SLC45A2: variants seen among roughly 807,000 people sequenced by gnomAD.
The protein encoded by SLC45A2 is solute carrier family 45 member 2, also known as membrane-associated transporter protein.
In SLC45A2, 36 loss-of-function variants were observed where a neutral mutation model predicts 45.5. The observed-to-expected ratio is 0.79, with a 90% CI of 0.61 to 1.04. SLC45A2 has a LOEUF of 1.04. SLC45A2 is among the 50% of genes least tolerant of loss of function. The pLI, the probability that SLC45A2 is intolerant of heterozygous loss-of-function variation, is 0.00. For missense variants in SLC45A2, 719 were observed against 671.0 expected (o/e 1.07, Z -0.79); for synonymous variants, 306 against 269.3 (o/e 1.14, Z -1.33).
intron 4 of SLC45A2, among the ~76,000 whole-genome samples, chr5:33,952,036 A>ATGTT (rs1386504709): frequency 6.6e-6 from 1 of 152,078 alleles, no homozygotes; most frequent in African/African-American, 2.4e-5. Context: ...CCTGCTTGGA[A>ATGTT]TGTTTTCTCC....
rs1752224508 is a variant in SLC45A2 at position 33,954,675 on chromosome 5, C to G, written c.889-171G>C. On this transcript the variant is annotated intron_variant, in intron 3 of 6. Coordinates refer to ENST00000296589, the MANE Select transcript of SLC45A2 (RefSeq NM_016180.5). ...ATGGAGTAGACTCACAGGAGGTATT[C>G]TGTTAAGCACGAGTGGCTGCTTGGC... Among the ~76,000 whole-genome samples the G allele has an allele frequency of 2.0e-5, 3 of 152,190 alleles. No individual in the cohort carries two copies. In the South Asian group the frequency reaches 6.2e-4, roughly 31 times the overall value.
At position 33,976,415 on chromosome 5, in the gene SLC45A2, T is replaced by C. The variant is rs189760654; in HGVS notation, c.562+5821A>G. Among the ~76,000 whole-genome samples the C allele has an allele frequency of 2.0e-5, 3 of 152,330 alleles. No homozygotes were observed. In the East Asian group the frequency reaches 5.8e-4, roughly 29 times the overall value. On this transcript the variant is annotated intron_variant, in intron 2 of 6. Transcript: ENST00000296589. ...ATGATTAGAAATGTATTCAAATAAC[T>C]AACATGGAAGGTGGAAAATGGCAAA...
At position 33,946,054 on chromosome 5, in the gene SLC45A2, A is replaced by G. The variant is rs962370977; in HGVS notation, c.1368+1109T>C. ...ACTCATTCTAAGTGCTAACTAATAA[A>G]CAAGTAAATAACATCCCCAGTGTAA... On this transcript the variant is annotated intron_variant, in intron 6 of 6. Coordinates refer to ENST00000296589, the MANE Select transcript of SLC45A2 (RefSeq NM_016180.5). 1.1e-5 allele frequency: 11 copies of G among 985,334 alleles called. No individual in the cohort carries two copies. The African/African-American group carries it at 1.7e-4, about 16-fold the overall frequency. 61.0% of individuals were successfully genotyped at this position (985,334 alleles called of 1,614,324 possible).
At chr5:33,960,358 A>C (rs1411761792) in intron 3 of SLC45A2, among the ~76,000 whole-genome samples, 1 of 151,860 alleles carries the variant, frequency 6.6e-6, no homozygotes, top group Non-Finnish European at 1.5e-5. Flanking sequence ...ACGTTTTTGC[A>C]ATTGCGAATT....
chr5:33,947,689 A>T (rs1303883876), intron 5 of SLC45A2, among the ~76,000 whole-genome samples: 1 of 152,172 alleles, frequency 6.6e-6, no homozygotes, highest in Non-Finnish European at 1.5e-5. Flanking sequence ...TGACCTAACT[A>T]TGGGAACCTG....
chr5:33,967,705 G>T (rs931768805), intron 2 of SLC45A2, among the ~76,000 whole-genome samples: 35 of 151,710 alleles, frequency 2.3e-4, no homozygotes, highest in East Asian at 5.8e-4. Context: ...TATTACAGAG[G>T]GGTTATACTT....
Position 33,947,284 on chromosome 5 carries a change from C to G in SLC45A2, c.1247G>C (p.Gly416Ala), listed in dbSNP as rs773980173. ...GGTGGAGTAGACATTCGGGAAGAGC[C>G]CAATAAATCCCGTCCCCAGGCCAAA... ...LLFGLGTGFI[G>A]LFPNVYSTLV... Residue 416 changes from glycine to alanine, a missense_variant, in exon 6 of 7, where the codon GGG becomes GCG. Coordinates refer to ENST00000296589, the MANE Select transcript of SLC45A2 (RefSeq NM_016180.5). 3.1e-6 allele frequency: 5 copies of G among 1,614,116 alleles called. No individual in the cohort carries two copies. Among genetic ancestry groups the G allele is most frequent in the Middle Eastern group, 1.6e-4 (1 of 6,062 alleles).
chr5:33,977,295 A>T (rs1752957502), intron 2 of SLC45A2, among the ~76,000 whole-genome samples: 1 of 152,202 alleles, frequency 6.6e-6, no homozygotes, highest in African/African-American at 2.4e-5. Context: ...CTGGCATGGC[A>T]GCCCAAACAG....
chr5:33,965,350 G>C (rs962448059), intron 2 of SLC45A2, among the ~76,000 whole-genome samples: 1 of 152,220 alleles, frequency 6.6e-6, no homozygotes. Context: ...AAATTAGTGA[G>C]AGAGTAGACA....
At chr5:33,944,962 T>G (rs113305543) in intron 6 of SLC45A2, 90 bp from the exon 7 acceptor site, 10 of 1,196,294 alleles carry the variant, frequency 8.4e-6, no homozygotes, top group Admixed American at 4.0e-5. Flanking sequence ...ACCAGCCAGA[T>G]AGTAAATACC....
intron 2 of SLC45A2, among the ~76,000 whole-genome samples, chr5:33,967,370 T>C (rs1384127750): frequency 6.6e-6 from 1 of 152,224 alleles, no homozygotes; most frequent in Non-Finnish European, 1.5e-5. Context: ...TCTTAAACTT[T>C]AATGTGCACG....
rs1306388675 is a variant in SLC45A2 at position 33,970,104 on chromosome 5, G to A, written c.563-6088C>T. On this transcript the variant is annotated intron_variant, in intron 2 of 6. Transcript: ENST00000296589. ...CTGCAGACTAGAAGTCATCAGCTGA[G>A]TTAGACAGCCCCTGTGAGCCACTGC... 5.3e-5 allele frequency among the ~76,000 whole-genome samples: 8 copies of A among 152,184 alleles called. No individual in the cohort carries two copies. The East Asian group carries it at 1.5e-3, about 29-fold the overall frequency.
chr5:33,948,382 A>G (rs1751999989), intron 5 of SLC45A2, among the ~76,000 whole-genome samples: 1 of 152,222 alleles, frequency 6.6e-6, no homozygotes, highest in Non-Finnish European at 1.5e-5. Flanking sequence ...TTTTTAATCC[A>G]CACATTCCTC....
chr5:33,963,711 T>G lies in SLC45A2; in HGVS notation c.868A>C (p.Asn290His), dbSNP rs1432322915. ...TTTACCTGTTCAGCATGATTTTTGT[T>G]TTTTGCTCCCTGCATTGCCAGCTCT... is the stretch of plus-strand genomic sequence containing the variant. The part of the protein sequence containing the change: ...NPELAMQGAK[N>H]KNHAEQTRRA... The change falls in exon 3 of 7, where the codon AAC becomes CAC. Residue 290 changes from asparagine (N) to histidine (H), a missense_variant. Asn to His is a moderately conservative substitution (Grantham distance 68). Transcript: ENST00000296589. 6.2e-7 allele frequency: 1 copy of G among 1,613,906 alleles called. No homozygotes were observed. Among genetic ancestry groups the G allele is most frequent in the Admixed American group, 1.7e-5 (1 of 60,008 alleles).
intron 3 of SLC45A2, among the ~76,000 whole-genome samples, chr5:33,960,266 A>T (rs1752411438): frequency 8.4e-6 from 1 of 119,730 alleles, no homozygotes; most frequent in South Asian, 2.7e-4. Flanking sequence ...TTTATTATGG[A>T]CATTCATCTG....
intron 5 of SLC45A2, among the ~76,000 whole-genome samples, chr5:33,949,749 G>A (rs937874453): frequency 4.0e-5 from 6 of 151,838 alleles, no homozygotes; most frequent in African/African-American, 7.3e-5. Context: ...AACTAGAAAC[G>A]CTTTTAACTA....
chr5:33,967,783 G>GAC lies in SLC45A2; in HGVS notation c.563-3769_563-3768dup, dbSNP rs10529094. Among the ~76,000 whole-genome samples the GAC allele has an allele frequency of 4.1e-3, 600 of 146,992 alleles. 9 individuals are homozygous for GAC. Among genetic ancestry groups the GAC allele is most frequent in the Middle Eastern group, 0.014 (4 of 288 alleles). Reference sequence around the variant, plus strand: ...TAGTCTAGCATTTTTTATTTTGCTAGACACACACACACACACACACACACA... The same window carrying GAC: ...TAGTCTAGCATTTTTTATTTTGCTAGACACACACACACACACACACACACACA... On this transcript the variant is annotated intron_variant, in intron 2 of 6. Transcript: ENST00000296589.
At chr5:33,969,521 G>A (rs1752720667) in intron 2 of SLC45A2, among the ~76,000 whole-genome samples, 2 of 152,158 alleles carry the variant, frequency 1.3e-5, no homozygotes, top group African/African-American at 4.8e-5. Flanking sequence ...ATGCCTCGTT[G>A]CTTTGAGGAC....
At chr5:33,948,268 A>G (rs1751997237) in intron 5 of SLC45A2, among the ~76,000 whole-genome samples, 1 of 152,214 alleles carries the variant, frequency 6.6e-6, no homozygotes, top group South Asian at 2.1e-4. Context: ...ATAGTGGCAG[A>G]ACTAATTTTT....
Sources: gnomAD v4.1 joint callset for allele counts (sites outside exome capture counted in the v4.1 genomes callset) on GRCh38, gnomAD v4.1.1 for gene constraint, MANE v1.5 for transcripts, NCBI Gene and HGNC (gene_info 2026-07-23, HGNC 2026-07-21) for gene names.